Variants in SCFD2 observed in about 807,000 individuals in gnomAD.
SCFD2 encodes sec1 family domain-containing protein 2.
SCFD2 carries 54 observed loss-of-function variants against 58.9 expected under a neutral mutation model. That is an observed-to-expected ratio of 0.92 (90% CI 0.74 to 1.15). The LOEUF (loss-of-function observed/expected upper bound fraction) is 1.15. Ranked by LOEUF, SCFD2 falls within the 50% of genes most tolerant of loss-of-function variation. The probability of loss-of-function intolerance (pLI) is 0.00; values close to 1 mark genes in which losing one functional copy is unlikely to be tolerated. For synonymous variants in SCFD2, 321 were observed against 335.9 expected (o/e 0.96, Z 0.49); for missense variants, 805 against 836.6 (o/e 0.96, Z 0.47).
At chr4:53,025,326 T>C (rs781528283) in intron 5 of SCFD2, among the ~76,000 whole-genome samples, 20 of 152,220 alleles carry the variant, frequency 1.3e-4, no homozygotes, top group Admixed American at 3.3e-4. Context: ...AATTAGAAAA[T>C]CAACATTAAA....
intron 2 of SCFD2, among the ~76,000 whole-genome samples, chr4:53,343,318 T>C (rs1259817769): frequency 1.3e-5 from 2 of 152,078 alleles, no homozygotes; most frequent in African/African-American, 4.8e-5. Flanking sequence ...GAGAATACTA[T>C]AAACACCTCT....
intron 4 of SCFD2, among the ~76,000 whole-genome samples, chr4:53,181,064 C>T (rs1001535631): frequency 5.9e-5 from 9 of 152,212 alleles, no homozygotes; most frequent in African/African-American, 2.2e-4. Flanking sequence ...CAGCCGAATT[C>T]CACCAGAGGT....
At chr4:53,227,602 C>T (rs1729262235) in intron 4 of SCFD2, among the ~76,000 whole-genome samples, 1 of 152,094 alleles carries the variant, frequency 6.6e-6, no homozygotes, top group African/African-American at 2.4e-5. Context: ...CAGCAGAATA[C>T]CTTCACCTTT....
intron 5 of SCFD2, among the ~76,000 whole-genome samples, chr4:53,001,959 G>A (rs1721873534): frequency 1.3e-5 from 2 of 152,200 alleles, no homozygotes; most frequent in Non-Finnish European, 2.9e-5. Flanking sequence ...AGGTGTCCAC[G>A]TACAAAGCCA....
At chr4:53,338,575 CTTTTTT>C (rs56263068) in intron 2 of SCFD2, among the ~76,000 whole-genome samples, 1,022 of 72,340 alleles carry the variant, frequency 0.014, 58 homozygotes, top group African/African-American at 0.049. Flanking sequence ...GTATATTTTT[CTTTTTT>C]TTTTTTTTTT....
At chr4:53,023,195 A>G (rs1364112518) in intron 5 of SCFD2, among the ~76,000 whole-genome samples, 1 of 152,140 alleles carries the variant, frequency 6.6e-6, no homozygotes, top group Non-Finnish European at 1.5e-5. Flanking sequence ...ATTACATTTA[A>G]TTTTGCAGCT....
chr4:52,921,435 A>G (rs963479263), intron 5 of SCFD2, among the ~76,000 whole-genome samples: 1 of 152,132 alleles, frequency 6.6e-6, no homozygotes, highest in Non-Finnish European at 1.5e-5. Context: ...TCTTTTTCAA[A>G]CTCAGAAGAA....
At chr4:53,287,105 G>T (rs1177590901) in intron 3 of SCFD2, among the ~76,000 whole-genome samples, 2 of 152,116 alleles carry the variant, frequency 1.3e-5, no homozygotes, top group Non-Finnish European at 2.9e-5. Flanking sequence ...CCTGTCCCCG[G>T]GTCTAAGCTA....
chr4:52,894,955 C>A (rs1049885675), intron 7 of SCFD2, among the ~76,000 whole-genome samples: 1 of 152,182 alleles, frequency 6.6e-6, no homozygotes, highest in Admixed American at 6.5e-5. Context: ...GAATAGCAAA[C>A]AGGTCTTTCA....
At chr4:52,901,651 G>A (rs1238897907) in intron 7 of SCFD2, among the ~76,000 whole-genome samples, 3 of 152,172 alleles carry the variant, frequency 2.0e-5, no homozygotes, top group Non-Finnish European at 4.4e-5. Flanking sequence ...AGATTCATGA[G>A]TAAAATGAAT....
intron 5 of SCFD2, among the ~76,000 whole-genome samples, chr4:53,056,018 A>G (rs1282408880): frequency 2.0e-5 from 3 of 152,124 alleles, no homozygotes; most frequent in African/African-American, 7.2e-5. Context: ...GAACATGTGT[A>G]TCCTGGGCAC....
chr4:53,203,992 C>G (rs1446807079), intron 4 of SCFD2, among the ~76,000 whole-genome samples: 1 of 152,110 alleles, frequency 6.6e-6, no homozygotes, highest in Non-Finnish European at 1.5e-5. Context: ...ACCCTTTCTT[C>G]TATGTGTCTC....
At chr4:53,292,002 AAATTAATTCAAAATG>A (rs533652648) in intron 3 of SCFD2, among the ~76,000 whole-genome samples, 50 of 152,162 alleles carry the variant, frequency 3.3e-4, no homozygotes, top group East Asian at 1.3e-3. Flanking sequence ...ATTTTGAATT[AAATTAATTCAAAATG>A]AATTAATTCA....
Position 53,256,511 on chromosome 4 carries a change from T to C in SCFD2, c.1311+17315A>G, listed in dbSNP as rs531506359. ...GGCAGAGGCTGCAATCTCGGCACTTTGGGAGGCCAAGGCAGGCGGCTGGGA... is the reference window on the plus strand; with the variant it reads ...GGCAGAGGCTGCAATCTCGGCACTTCGGGAGGCCAAGGCAGGCGGCTGGGA... On this transcript the variant is annotated intron_variant, in intron 4 of 8. Transcript: ENST00000401642. 1.4e-4 allele frequency among the ~76,000 whole-genome samples: 22 copies of C among 152,126 alleles called. No individual in the cohort carries two copies. In the East Asian group the frequency reaches 4.3e-3, roughly 30 times the overall value.
intron 4 of SCFD2, among the ~76,000 whole-genome samples, chr4:53,174,062 A>G (rs1727257753): frequency 6.6e-6 from 1 of 152,166 alleles, no homozygotes; most frequent in African/African-American, 2.4e-5. Flanking sequence ...AAAAGTCAAA[A>G]ACATATTTGA....
At chr4:53,030,767 C>T (rs944798405) in intron 5 of SCFD2, among the ~76,000 whole-genome samples, 13 of 152,104 alleles carry the variant, frequency 8.5e-5, no homozygotes, top group Non-Finnish European at 1.6e-4. Context: ...ACCTATATGA[C>T]CCTGTAATTC....
intron 5 of SCFD2, among the ~76,000 whole-genome samples, chr4:52,936,363 T>G (rs1720138679): frequency 6.6e-6 from 1 of 152,174 alleles, no homozygotes; most frequent in South Asian, 2.1e-4. Flanking sequence ...CAATGCAGTC[T>G]TCAGGATTTC....
intron 3 of SCFD2, among the ~76,000 whole-genome samples, chr4:53,278,358 T>TAA (rs771974130): frequency 1.6e-4 from 20 of 122,204 alleles, no homozygotes; most frequent in African/African-American, 4.2e-4. Flanking sequence ...GACTCCATCT[T>TAA]AAAAAAAAAA....
At chr4:52,933,463 G>A (rs963128842) in intron 5 of SCFD2, among the ~76,000 whole-genome samples, 1 of 152,160 alleles carries the variant, frequency 6.6e-6, no homozygotes, top group Non-Finnish European at 1.5e-5. Context: ...ACTTGTTTCT[G>A]TGCAGGGACA....
Sources: gnomAD v4.1 joint callset for allele counts (sites outside exome capture counted in the v4.1 genomes callset) on GRCh38, gnomAD v4.1.1 for gene constraint, MANE v1.5 for transcripts, NCBI Gene and HGNC (gene_info 2026-07-23, HGNC 2026-07-21) for gene names.